The following ST7 variants were observed in gnomAD, a reference collection of about 807,000 sequenced individuals.
ST7 encodes suppressor of tumorigenicity 7 protein.
Under a neutral mutation model 78.7 loss-of-function variants are expected in ST7, and 28 were observed. The observed-to-expected ratio is 0.36, with a 90% CI of 0.26 to 0.49. The LOEUF (loss-of-function observed/expected upper bound fraction) is 0.49. ST7 is among the 20% of genes least tolerant of loss of function. The pLI, the probability that ST7 is intolerant of heterozygous loss-of-function variation, is 0.99. For missense variants in ST7, 418 were observed against 696.0 expected (o/e 0.60, Z 4.49); for synonymous variants, 247 against 249.6 (o/e 0.99, Z 0.10).
At chr7:117,120,551 G>A (rs778948245) in intron 3 of ST7, among the ~76,000 whole-genome samples, 4 of 152,098 alleles carry the variant, frequency 2.6e-5, no homozygotes, top group Non-Finnish European at 4.4e-5. Flanking sequence ...CATGAAGCCA[G>A]TTTTTATTTC....
rs1042273621 is a variant in ST7, at chr7:117,113,113, T to A, written c.235-6448T>A. On this transcript the variant is annotated intron_variant, in intron 2 of 15. Transcript: ENST00000323984. ...TTTCAGCTTGCATTTCAGCACAAAT[T>A]GAGAGACTTGAAAGTCATATAGTTG... is the stretch of plus-strand genomic sequence containing the variant. 2.6e-5 allele frequency among the ~76,000 whole-genome samples: 4 copies of A among 152,180 alleles called. No individual in the cohort carries two copies. The East Asian group carries it at 7.7e-4, about 29-fold the overall frequency.
At chr7:117,008,355 A>G (rs539423094) in intron 1 of ST7, among the ~76,000 whole-genome samples, 2 of 152,328 alleles carry the variant, frequency 1.3e-5, no homozygotes, top group African/African-American at 2.4e-5. Context: ...CCCTTTCAGC[A>G]ATTGTTGGTG....
Position 117,209,692 on chromosome 7 carries a change from G to A in ST7, c.1255-95G>A, listed in dbSNP as rs1792128637. ...TGCAGGTTTAATGAAATGCTTATAA[G>A]TGGTGGCTTTAGGGAAATCAACTGC... is the stretch of plus-strand genomic sequence containing the variant. On this transcript the variant is annotated intron_variant, in intron 12 of 15. Transcript: ENST00000323984. The A allele has an allele frequency of 5.0e-6, 7 of 1,391,046 alleles. No individual in the cohort carries two copies. In the South Asian group the frequency reaches 7.9e-5, roughly 16 times the overall value. 86.2% of individuals were successfully genotyped at this position (1,391,046 alleles called of 1,614,324 possible). A position where few individuals can be genotyped will look rare whatever the true frequency, so the allele number is the denominator to read the frequency against.
At chr7:117,014,911 A>G (rs1343036112) in intron 1 of ST7, 11 of 1,172,856 alleles carry the variant, frequency 9.4e-6, no homozygotes, top group Non-Finnish European at 1.2e-5. Context: ...AGGCTTCCCC[A>G]GAACGGTTCG....
chr7:117,187,316 C>T (rs934463264), intron 10 of ST7, among the ~76,000 whole-genome samples: 2 of 152,094 alleles, frequency 1.3e-5, no homozygotes, highest in African/African-American at 4.8e-5. Context: ...CATAGAGCTA[C>T]ATTTCCCTCT....
intron 1 of ST7, among the ~76,000 whole-genome samples, chr7:117,062,268 CAT>C (rs753363576): frequency 6.6e-6 from 1 of 152,168 alleles, no homozygotes; most frequent in Non-Finnish European, 1.5e-5. Flanking sequence ...AATACCATCA[CAT>C]TAGGGGCTAC....
chr7:116,980,939 T>C (rs949708482), intron 1 of ST7, among the ~76,000 whole-genome samples: 1 of 152,202 alleles, frequency 6.6e-6, no homozygotes, highest in Non-Finnish European at 1.5e-5. Flanking sequence ...AGCAAAATAA[T>C]TCAGTTCACA....
At position 117,172,721 on chromosome 7, in the gene ST7, G is replaced by A. The variant is rs543609742; in HGVS notation, c.1078+1745G>A. Reference sequence around the variant, plus strand: ...AAAGGAATTCAGTCCCATGGCCATGGGTTCAGGCAGCAGTGCACTTTTCCA... The same window carrying A: ...AAAGGAATTCAGTCCCATGGCCATGAGTTCAGGCAGCAGTGCACTTTTCCA... On this transcript the variant is annotated intron_variant, in intron 10 of 15. Coordinates refer to ENST00000323984, the MANE Select transcript of ST7 (RefSeq NM_001369598.1). Among the ~76,000 whole-genome samples, 8 of 152,282 alleles carry A rather than the reference G, an allele frequency of 5.3e-5. No homozygotes were observed. The South Asian group carries it at 1.7e-3, about 32-fold the overall frequency.
At chr7:117,135,644 T>C (rs923139150) in intron 7 of ST7, among the ~76,000 whole-genome samples, 64 of 152,100 alleles carry the variant, frequency 4.2e-4, no homozygotes, top group African/African-American at 1.5e-3. Context: ...GAAGGAACTA[T>C]TTAATAACAG....
intron 11 of ST7, 95 bp downstream of exon 11, chr7:117,189,488 G>A (rs1809578678): frequency 5.5e-6 from 5 of 912,306 alleles, no homozygotes; most frequent in Admixed American, 2.9e-5. Flanking sequence ...CTTAGGCTAT[G>A]AGACCCCTGC....
At chr7:116,981,840 G>A (rs551198658) in intron 1 of ST7, among the ~76,000 whole-genome samples, 2 of 152,188 alleles carry the variant, frequency 1.3e-5, no homozygotes, top group Non-Finnish European at 2.9e-5. Flanking sequence ...GTACTGTACT[G>A]TACATAATTA....
intron 9 of ST7, among the ~76,000 whole-genome samples, chr7:117,167,871 G>A (rs773019849): frequency 5.4e-4 from 82 of 152,072 alleles, no homozygotes; most frequent in Admixed American, 6.6e-5. Context: ...GGGTGTCCAC[G>A]GGAGCAATTT....
At chr7:116,981,413 A>C (rs571977009) in intron 1 of ST7, among the ~76,000 whole-genome samples, 2 of 152,134 alleles carry the variant, frequency 1.3e-5, no homozygotes, top group African/African-American at 4.8e-5. Context: ...CCTGGCCTCA[A>C]TGGTTCCTCA....
intron 1 of ST7, chr7:116,972,016 A>G (rs779707081): frequency 2.8e-5 from 12 of 430,772 alleles, no homozygotes; most frequent in Non-Finnish European, 4.5e-5. Flanking sequence ...GTTTGGGGAA[A>G]AAGACACAGG....
intron 1 of ST7, chr7:116,954,763 C>T (rs1229706772): frequency 4.4e-6 from 1 of 226,586 alleles, no homozygotes; most frequent in African/African-American, 2.3e-5. Context: ...TACATATGTA[C>T]ACATATATAT....
chr7:117,158,712 G>A (rs184572342), intron 9 of ST7, among the ~76,000 whole-genome samples: 6 of 152,248 alleles, frequency 3.9e-5, no homozygotes, highest in South Asian at 2.1e-4. Flanking sequence ...CTGTATAAAT[G>A]GAACTCTCGT....
intron 1 of ST7, chr7:116,954,934 CT>C (rs917013833): frequency 1.1e-5 from 3 of 283,732 alleles, no homozygotes; most frequent in African/African-American, 6.7e-5. Flanking sequence ...ATTTTGATTA[CT>C]AACTTGAACT....
In ST7 at chr7:117,219,212, T is replaced by C. The variant is rs912748861; in HGVS notation, c.1498+36T>C. 4 of 1,533,340 alleles carry C rather than the reference T, an allele frequency of 2.6e-6. No individual in the cohort carries two copies. In the East Asian group the frequency reaches 9.1e-5, roughly 35 times the overall value. 95.0% of individuals were successfully genotyped at this position (1,533,340 alleles called of 1,614,324 possible). ...CCTCTCTTCAGCCAGTGAGGGTGTGTGGTGAAAGGTGGGGATTGGAAGAGG... is the reference window on the plus strand; with the variant it reads ...CCTCTCTTCAGCCAGTGAGGGTGTGCGGTGAAAGGTGGGGATTGGAAGAGG... On this transcript the variant is annotated intron_variant, in intron 14 of 15. Coordinates refer to ENST00000323984, the MANE Select transcript of ST7 (RefSeq NM_001369598.1). The surrounding 1 kb of genome is among the most constrained non-coding windows in gnomAD (Gnocchi z 5.1).
At chr7:117,120,501 A>G (rs1246643699) in intron 3 of ST7, among the ~76,000 whole-genome samples, 1 of 152,214 alleles carries the variant, frequency 6.6e-6, no homozygotes, top group Non-Finnish European at 1.5e-5. Flanking sequence ...GGCTTCTGTC[A>G]CAATCCAGTC....
Sources: allele counts gnomAD v4.1 joint callset (sites outside exome capture counted in the v4.1 genomes callset), GRCh38; gene constraint gnomAD v4.1.1; non-coding constraint Gnocchi (gnomAD v3.1); transcripts MANE v1.5; gene names NCBI Gene and HGNC (gene_info 2026-07-23, HGNC 2026-07-21).